The following ACP1 variants were observed in gnomAD, a reference collection of about 807,000 sequenced individuals.
ACP1 encodes the protein low molecular weight phosphotyrosine protein phosphatase.
ACP1 carries 23 observed loss-of-function variants against 23.4 expected under a neutral mutation model. The observed-to-expected ratio is 0.98, with a 90% CI of 0.71 to 1.39. The LOEUF (loss-of-function observed/expected upper bound fraction) is 1.39, where lower values mean the gene tolerates loss of function less well. ACP1 is among the 40% of genes most tolerant of loss of function. The pLI, the probability that ACP1 is intolerant of heterozygous loss-of-function variation, is 0.00. For missense variants in ACP1, 180 were observed against 197.7 expected, an observed-to-expected ratio of 0.91 and a Z score of 0.54; for synonymous variants, 72 against 67.2, an observed-to-expected ratio of 1.07 and a Z score of -0.35.
intron 4 of ACP1, among the ~76,000 whole-genome samples, chr2:276,429 T>G (rs1670176902): frequency 6.6e-6 from 1 of 152,208 alleles, no homozygotes; most frequent in African/African-American, 2.4e-5. Context: ...AGTCGAAATT[T>G]GTTAAATAAA....
intron 4 of ACP1, 106 bp from the exon 5 acceptor site, chr2:276,874 A>C (rs574671265): frequency 1.7e-4 from 116 of 702,548 alleles, no homozygotes; most frequent in Non-Finnish European, 2.7e-4. Flanking sequence ...AAATTAGGTC[A>C]TTCTGTCTTG....
intron 3 of ACP1, 106 bp from the exon 4 acceptor site, chr2:275,034 G>A: frequency 4.4e-6 from 2 of 459,602 alleles, no homozygotes; most frequent in Non-Finnish European, 7.8e-6. Flanking sequence ...TTATTAGTGA[G>A]TAACAGGCTC....
chr2:272,343 C>T (rs762725426), intron 3 of ACP1, 193 bp downstream of exon 3: 3 of 1,585,910 alleles, frequency 1.9e-6, no homozygotes, highest in East Asian at 2.3e-5. Flanking sequence ...TATATAGAGT[C>T]CAGTAACTTG....
chr2:271,390 A>G (rs1305401651), intron 1 of ACP1, among the ~76,000 whole-genome samples: 1 of 152,146 alleles, frequency 6.6e-6, no homozygotes, highest in Non-Finnish European at 1.5e-5. Context: ...TCAGGGGCCA[A>G]CTATAGGACC....
At chr2:271,204 T>C (rs1463089468) in intron 1 of ACP1, among the ~76,000 whole-genome samples, 2 of 150,674 alleles carry the variant, frequency 1.3e-5, no homozygotes, top group African/African-American at 5.0e-5. Flanking sequence ...GTCATCCTTA[T>C]GTGTGATATA....
chr2:272,561 C>G (rs768563997), intron 3 of ACP1: 6 of 1,119,904 alleles, frequency 5.4e-6, no homozygotes, highest in Non-Finnish European at 6.1e-6. Context: ...TGGGGCTGAG[C>G]GGTGCTCTGT....
chr2:272,732 T>A, intron 3 of ACP1: 1 of 187,536 alleles, frequency 5.3e-6, no homozygotes, highest in Non-Finnish European at 1.1e-5. Flanking sequence ...CCAGCAACAT[T>A]ATGGATATAT....
chr2:275,784 G>A (rs946693256), intron 4 of ACP1, among the ~76,000 whole-genome samples: 4 of 152,098 alleles, frequency 2.6e-5, no homozygotes, highest in African/African-American at 9.7e-5. Context: ...AGGCGTCATC[G>A]GGAACGGATC....
At chr2:276,865 A>C (rs1467100020) in intron 4 of ACP1, 115 bp from the exon 5 acceptor site, 1 of 671,530 alleles carries the variant, frequency 1.5e-6, no homozygotes, top group Non-Finnish European at 2.6e-6. Context: ...TTTCATTTCA[A>C]ATTAGGTCAT....
intron 4 of ACP1, 56 bp from the exon 5 acceptor site, chr2:276,924 C>T: frequency 9.4e-7 from 1 of 1,067,480 alleles, no homozygotes; most frequent in Non-Finnish European, 1.4e-6. Context: ...AGCAGATGTC[C>T]CTGTTTAACT....
At chr2:266,238 C>G (rs1009414213) in intron 1 of ACP1, 1 of 152,102 alleles carries the variant, frequency 6.6e-6, no homozygotes, top group African/African-American at 2.4e-5. Flanking sequence ...ATATGATAAA[C>G]GCTGACTAGG....
intron 1 of ACP1, among the ~76,000 whole-genome samples, chr2:267,110 G>A (rs1190749350): frequency 1.3e-5 from 2 of 152,126 alleles, no homozygotes. Flanking sequence ...TTAAAACTTA[G>A]GAATTATTTG....
chr2:277,582 C>A lies in ACP1; in HGVS notation c.*278C>A. On this transcript the variant is annotated 3_prime_UTR_variant, in exon 6 of 6. Coordinates refer to ENST00000272065, the MANE Select transcript of ACP1 (RefSeq NM_004300.4). The stretch of plus-strand genomic sequence containing the variant: ...TGCCCCAGTTACAAAAATAGTAGAA[C>A]AAGCAACATAAAACAATGAAGGAAA... The A allele has an allele frequency of 2.2e-6, 1 of 457,674 alleles. No homozygotes were observed. The highest frequency in any genetic ancestry group is 4.0e-6 in the Non-Finnish European group (1 of 250,302). 28.4% of individuals were successfully genotyped at this position (457,674 alleles called of 1,614,324 possible).
chr2:275,120 G>A lies in ACP1; in HGVS notation c.232-20G>A. 7.2e-7 allele frequency: 1 copy of A among 1,379,482 alleles called. No homozygotes were observed. The highest frequency in any genetic ancestry group is 1.0e-6 in the Non-Finnish European group (1 of 985,450). The allele number at this position is 1,379,482 out of a possible 1,614,324, so 85.5% of individuals were successfully genotyped here. A position where few individuals can be genotyped will look rare whatever the true frequency, so the allele number is the denominator to read the frequency against. The stretch of plus-strand genomic sequence containing the variant: ...TTGAATGGTATAAACACTGTGTTTT[G>A]ACTTCTTATTCAATTTTAGATTACC... On this transcript the variant is annotated intron_variant, in intron 3 of 5. Transcript: ENST00000272065.
Position 272,088 on chromosome 2 carries a change from G to A in ACP1, c.169G>A (p.Asp57Asn), listed in dbSNP as rs1208957341. Residue 57 changes from aspartate to asparagine, a missense_variant, in exon 3 of 6, where the codon GAC (aspartate) becomes AAC (asparagine). This residue lies in a region of ACP1 where 132 missense variants were observed against 124.1 expected (regional missense o/e 1.06). Coordinates refer to ENST00000272065, the MANE Select transcript of ACP1 (RefSeq NM_004300.4). ...CGGGTATGAGATAGGGAACCCCCCT[G>A]ACTACCGAGGGCAGAGCTGCATGAA... ...TSGYEIGNPP[D>N]YRGQSCMKRH... 1.2e-6 allele frequency: 2 copies of A among 1,614,004 alleles called. No homozygotes were observed. The highest frequency in any genetic ancestry group is 1.7e-6 in the Non-Finnish European group (2 of 1,180,044).
At chr2:273,284 A>G (rs1218340841) in intron 3 of ACP1, 1 of 152,230 alleles carries the variant, frequency 6.6e-6, no homozygotes, top group African/African-American at 2.4e-5. Flanking sequence ...GTTTCCAACA[A>G]AGGAACTTTG....
At chr2:274,976 G>A (rs898982727) in intron 3 of ACP1, 164 bp from the exon 4 acceptor site, 8 of 397,738 alleles carry the variant, frequency 2.0e-5, no homozygotes, top group South Asian at 9.6e-5. Context: ...TTGAGAAATA[G>A]GTTAACTCTA....
chr2:275,849 T>C (rs1041088261), intron 4 of ACP1, among the ~76,000 whole-genome samples: 4 of 152,240 alleles, frequency 2.6e-5, no homozygotes, highest in Non-Finnish European at 4.4e-5. Flanking sequence ...TTCATAAATA[T>C]CTCATGTTTT....
intron 1 of ACP1, among the ~76,000 whole-genome samples, chr2:267,734 C>T (rs1400548616): frequency 6.6e-6 from 1 of 152,172 alleles, no homozygotes; most frequent in African/African-American, 2.4e-5. Flanking sequence ...GAAGTTAATT[C>T]CTTATATACA....
Sources: gnomAD v4.1 joint callset for allele counts (sites outside exome capture counted in the v4.1 genomes callset) on GRCh38, gnomAD v4.1.1 for gene constraint, gnomAD v4.1.1 regional missense constraint, MANE v1.5 for transcripts, NCBI Gene and HGNC (gene_info 2026-07-23, HGNC 2026-07-21) for gene names.